ZFAND3: variants seen among roughly 807,000 people sequenced by gnomAD.
The protein encoded by ZFAND3 is AN1-type zinc finger protein 3.
Under a neutral mutation model 29.6 loss-of-function variants are expected in ZFAND3, and 10 were observed. The observed-to-expected ratio is 0.34, with a 90% CI of 0.21 to 0.57. The LOEUF (loss-of-function observed/expected upper bound fraction) is 0.57, where lower values mean the gene tolerates loss of function less well. Ranked by LOEUF, ZFAND3 falls within the 20% of genes least tolerant of loss-of-function variation. The probability of loss-of-function intolerance (pLI) is 0.86; values close to 1 mark genes in which losing one functional copy is unlikely to be tolerated. For synonymous variants in ZFAND3, 128 were observed against 112.6 expected, an observed-to-expected ratio of 1.14 and a Z score of -0.87; for missense variants, 230 against 304.5, an observed-to-expected ratio of 0.76 and a Z score of 1.82.
chr6:37,854,696 A>G (rs1167809873), intron 1 of ZFAND3, among the ~76,000 whole-genome samples: 7 of 151,262 alleles, frequency 4.6e-5, no homozygotes, highest in Admixed American at 2.0e-4. Context: ...TCAGGCAACC[A>G]TGTTTTGATT....
chr6:37,820,800 G>A (rs1384265427), intron 1 of ZFAND3, among the ~76,000 whole-genome samples: 2 of 152,152 alleles, frequency 1.3e-5, no homozygotes, highest in Non-Finnish European at 2.9e-5. Context: ...AGCATATATT[G>A]TTTGGCCATC....
At chr6:38,094,206 A>G (rs964899553) in intron 4 of ZFAND3, among the ~76,000 whole-genome samples, 9 of 152,168 alleles carry the variant, frequency 5.9e-5, no homozygotes, top group African/African-American at 1.7e-4. Context: ...GGAAGGAACT[A>G]TTGTGGACTG....
intron 2 of ZFAND3, among the ~76,000 whole-genome samples, chr6:38,043,533 C>T (rs1490930121): frequency 6.7e-6 from 1 of 150,156 alleles, no homozygotes; most frequent in Admixed American, 6.7e-5. Context: ...CTTTTCTCCC[C>T]TCTCCCCTTT....
chr6:38,010,599 CTT>C (rs759693005), intron 2 of ZFAND3, among the ~76,000 whole-genome samples: 6 of 139,306 alleles, frequency 4.3e-5, no homozygotes, highest in Non-Finnish European at 9.4e-5. Context: ...CGCCCCCAAC[CTT>C]TTTTTTTTTT....
At chr6:38,132,169 C>G (rs373960385) in intron 5 of ZFAND3, among the ~76,000 whole-genome samples, 82 of 152,274 alleles carry the variant, frequency 5.4e-4, no homozygotes, top group African/African-American at 1.9e-3. Flanking sequence ...GAAGGGTGTA[C>G]TTGCACAAAT....
At chr6:38,125,921 C>G (rs1008137747) in intron 5 of ZFAND3, among the ~76,000 whole-genome samples, 4 of 151,764 alleles carry the variant, frequency 2.6e-5, no homozygotes, top group Non-Finnish European at 5.9e-5. Flanking sequence ...TGTTTCAGAC[C>G]CTGATTTTTT....
intron 1 of ZFAND3, among the ~76,000 whole-genome samples, chr6:37,826,160 C>A (rs1460868854): frequency 5.3e-5 from 8 of 152,146 alleles, no homozygotes; most frequent in African/African-American, 1.7e-4. Flanking sequence ...AGCAAAGCTA[C>A]TTGAAGGAAG....
At chr6:37,949,837 T>C (rs532202420) in intron 2 of ZFAND3, among the ~76,000 whole-genome samples, 3 of 152,320 alleles carry the variant, frequency 2.0e-5, no homozygotes, top group Non-Finnish European at 2.9e-5. Context: ...TTCACCTTCC[T>C]CTTGCCCTAT....
chr6:38,043,130 G>A (rs1445684015), intron 2 of ZFAND3, among the ~76,000 whole-genome samples: 1 of 152,116 alleles, frequency 6.6e-6, no homozygotes, highest in Non-Finnish European at 1.5e-5. Context: ...ATAAGAGACA[G>A]TTTAACCTTA....
chr6:38,115,630 T>C (rs1012294534), intron 4 of ZFAND3, among the ~76,000 whole-genome samples: 2 of 152,096 alleles, frequency 1.3e-5, no homozygotes, highest in African/African-American at 2.4e-5. Context: ...GAAGACTGTT[T>C]AGGAGACTCC....
chr6:37,863,341 A>G (rs912676125), intron 1 of ZFAND3, among the ~76,000 whole-genome samples: 4 of 152,240 alleles, frequency 2.6e-5, no homozygotes, highest in African/African-American at 9.6e-5. Flanking sequence ...AGACTGTCTC[A>G]TTAGGTGGAA....
At chr6:37,949,537 A>C (rs557299252) in intron 2 of ZFAND3, among the ~76,000 whole-genome samples, 69 of 152,232 alleles carry the variant, frequency 4.5e-4, no homozygotes, top group Admixed American at 2.0e-3. Context: ...CTCCTTCCCC[A>C]AGACTGCTCC....
intron 1 of ZFAND3, among the ~76,000 whole-genome samples, chr6:37,854,194 G>T (rs1764335074): frequency 6.6e-6 from 1 of 151,896 alleles, no homozygotes; most frequent in African/African-American, 2.4e-5. Context: ...CAGGTGATCC[G>T]CCTGCCTCAG....
chr6:38,043,801 CTTAT>C (rs148013161), intron 2 of ZFAND3, among the ~76,000 whole-genome samples: 25 of 150,216 alleles, frequency 1.7e-4, no homozygotes, highest in Admixed American at 4.6e-4. Context: ...TGCTCGCTTG[CTTAT>C]TTATTTATTT....
intron 1 of ZFAND3, among the ~76,000 whole-genome samples, chr6:37,891,796 C>T (rs529650706): frequency 1.2e-4 from 18 of 151,488 alleles, no homozygotes; most frequent in African/African-American, 3.9e-4. Context: ...TGGTGGATCT[C>T]GGCTCACTGC....
chr6:38,002,889 T>C (rs1762975425), intron 2 of ZFAND3: 4 of 152,212 alleles, frequency 2.6e-5, no homozygotes, highest in Admixed American at 2.0e-4. Flanking sequence ...CTATGCTAAG[T>C]TCAATTATTG....
At chr6:37,947,653 G>A (rs1761926051) in intron 2 of ZFAND3, among the ~76,000 whole-genome samples, 1 of 152,040 alleles carries the variant, frequency 6.6e-6, no homozygotes, top group Non-Finnish European at 1.5e-5. Flanking sequence ...TCTGTCTGCT[G>A]TTTCATCTAA....
At chr6:37,978,421 T>G (rs1762525572) in intron 2 of ZFAND3, among the ~76,000 whole-genome samples, 1 of 152,196 alleles carries the variant, frequency 6.6e-6, no homozygotes, top group Admixed American at 6.5e-5. Flanking sequence ...CTGGTTTTGT[T>G]ATTAGAGTAC....
Position 38,154,126 on chromosome 6 carries a change from T to G in ZFAND3, c.*1737T>G. 1 of 985,542 alleles carries G rather than the reference T, an allele frequency of 1.0e-6. No individual in the cohort carries two copies. The highest frequency in any genetic ancestry group is 1.2e-6 in the Non-Finnish European group (1 of 829,976). 61.0% of individuals were successfully genotyped at this position (985,542 alleles called of 1,614,324 possible). A position where few individuals can be genotyped will look rare whatever the true frequency, so the allele number is the denominator to read the frequency against. Reference sequence around the variant, plus strand: ...GGCAACCCAGGGCAGAGGGGCCAGGTCTGCCCAGCGTTTACCACTGCTGTC... The same window carrying G: ...GGCAACCCAGGGCAGAGGGGCCAGGGCTGCCCAGCGTTTACCACTGCTGTC... On this transcript the variant is annotated 3_prime_UTR_variant, in exon 6 of 6. Coordinates refer to ENST00000287218, the MANE Select transcript of ZFAND3 (RefSeq NM_021943.3).
Sources: gnomAD v4.1 joint callset for allele counts (sites outside exome capture counted in the v4.1 genomes callset) on GRCh38, gnomAD v4.1.1 for gene constraint, MANE v1.5 for transcripts, NCBI Gene and HGNC (gene_info 2026-07-23, HGNC 2026-07-21) for gene names.